Variants in GABRR2 observed in about 807,000 individuals in gnomAD.
GABRR2 encodes gamma-aminobutyric acid receptor subunit rho-2.
GABRR2 carries 36 observed loss-of-function variants against 47.0 expected under a neutral mutation model. The ratio of observed to expected loss-of-function variants is 0.77; its 90% CI spans 0.59 to 1.01. The LOEUF (loss-of-function observed/expected upper bound fraction) is 1.01, where lower values mean the gene tolerates loss of function less well. Among genes scored for constraint, GABRR2 ranks in the 50% least tolerant of loss-of-function variants. The pLI is 0.00. For synonymous variants in GABRR2, 204 were observed against 227.5 expected (o/e 0.90, Z 0.93); for missense variants, 587 against 594.6 (o/e 0.99, Z 0.13).
rs764351856 is a variant in GABRR2, at chr6:89,257,689, TA to T, written c.1378del (p.Tyr460IlefsTer27). The part of the protein sequence containing the change: ...PASYIFFNLI[Y>X]WSVFS ...GAGCCCCTAGGAAAACACTGACCAA[TA>T]AATTAAGTTGAAAAATATGTAGGAG... On this transcript the variant is annotated frameshift_variant, in exon 9 of 9. Transcript: ENST00000402938. LOFTEE classifies it high-confidence loss of function. 6.2e-7 allele frequency: 1 copy of T among 1,612,894 alleles called. No homozygotes were observed. Among genetic ancestry groups the T allele is most frequent in the Non-Finnish European group, 8.5e-7 (1 of 1,179,374 alleles).
At chr6:89,287,128 G>A (rs950538305) in intron 2 of GABRR2, among the ~76,000 whole-genome samples, 3 of 152,172 alleles carry the variant, frequency 2.0e-5, no homozygotes, top group African/African-American at 4.8e-5. Context: ...CAGAGGCGCG[G>A]CAACCGGGGC....
chr6:89,302,919 G>C, intron 1 of GABRR2: 2 of 1,177,360 alleles, frequency 1.7e-6, no homozygotes, highest in Non-Finnish European at 2.4e-6. Flanking sequence ...AGCAGTTCAC[G>C]GACATGTTCC....
intron 1 of GABRR2, among the ~76,000 whole-genome samples, chr6:89,311,798 A>AC (rs1208860822): frequency 6.6e-6 from 1 of 151,886 alleles, no homozygotes; most frequent in Non-Finnish European, 1.5e-5. Flanking sequence ...AGGGCTCACC[A>AC]CCCCCCTTTT....
chr6:89,290,523 C>T (rs907328644), intron 2 of GABRR2, among the ~76,000 whole-genome samples: 1 of 152,216 alleles, frequency 6.6e-6, no homozygotes, highest in Non-Finnish European at 1.5e-5. Context: ...TTCTGGGGCC[C>T]AGTGCCCAAG....
At chr6:89,285,905 G>A (rs1416330244) in intron 2 of GABRR2, among the ~76,000 whole-genome samples, 1 of 151,846 alleles carries the variant, frequency 6.6e-6, no homozygotes, top group African/African-American at 2.4e-5. Context: ...TGCCCTGCTT[G>A]AAACTCCCTC....
intron 2 of GABRR2, among the ~76,000 whole-genome samples, chr6:89,292,334 C>CA (rs1180638965): frequency 6.7e-5 from 6 of 89,530 alleles, no homozygotes; most frequent in African/African-American, 2.5e-4. Flanking sequence ...GGTGGTTTCT[C>CA]AAAAAAAAAT....
In GABRR2 at chr6:89,257,913, C is replaced by T; in HGVS notation, c.1155G>A (p.Glu385=). Residue 385 remains glutamate (E), a synonymous_variant, in exon 9 of 9, where the codon GAG becomes GAA. Transcript: ENST00000402938. ...MMLDGSYSES[E]ANSLAGYPRS... ...TGGGGTACCCAGCCAGGCTGTTGGCCTCAGACTCACTGTAGCTTCCATCCA... is the reference window on the plus strand; with the variant it reads ...TGGGGTACCCAGCCAGGCTGTTGGCTTCAGACTCACTGTAGCTTCCATCCA... 1 of 1,614,016 alleles carries T rather than the reference C, an allele frequency of 6.2e-7. No individual in the cohort carries two copies. The highest frequency in any genetic ancestry group is 8.5e-7 in the Non-Finnish European group (1 of 1,179,878).
chr6:89,297,852 C>T (rs1052248494), intron 2 of GABRR2, among the ~76,000 whole-genome samples: 3 of 151,016 alleles, frequency 2.0e-5, no homozygotes, highest in South Asian at 2.1e-4. Context: ...AACTCCGTCT[C>T]GAAAAAAAAA....
rs1054943615 is a variant in GABRR2, at chr6:89,302,043, A to G, written c.114-2178T>C. 14 of 665,824 alleles carry G rather than the reference A, an allele frequency of 2.1e-5. No homozygotes were observed. In the African/African-American group the frequency reaches 2.2e-4, roughly 10 times the overall value. 41.2% of individuals were successfully genotyped at this position (665,824 alleles called of 1,614,324 possible). On this transcript the variant is annotated intron_variant, in intron 1 of 8. Coordinates refer to ENST00000402938, the MANE Select transcript of GABRR2 (RefSeq NM_002043.5). ...CCTTTTGGACATTTTTTCAGGCCTGACAATTTAATCTTTGGTCAGAGTGGG... is the reference window on the plus strand; with the variant it reads ...CCTTTTGGACATTTTTTCAGGCCTGGCAATTTAATCTTTGGTCAGAGTGGG...
At chr6:89,267,644 C>T (rs1325601828) in intron 6 of GABRR2, 35 bp downstream of exon 6, 1 of 1,586,434 alleles carries the variant, frequency 6.3e-7, no homozygotes, top group Non-Finnish European at 8.6e-7. Flanking sequence ...TGCTTTCTTG[C>T]ACATTTGAAT....
chr6:89,256,922 C>T lies in GABRR2; in HGVS notation c.*748G>A, dbSNP rs1242068024. 1.3e-5 allele frequency among the ~76,000 whole-genome samples: 2 copies of T among 152,110 alleles called. No individual in the cohort carries two copies. Among genetic ancestry groups the T allele is most frequent in the Non-Finnish European group, 2.9e-5 (2 of 68,024 alleles). ...CTTATATGCCTAAGAGTAAAAGCAA[C>T]AGCAAACAGAATGGGTCTGTGGGGT... On this transcript the variant is annotated 3_prime_UTR_variant, in exon 9 of 9. Transcript: ENST00000402938.
intron 6 of GABRR2, 96 bp from the exon 7 acceptor site, chr6:89,265,861 C>A: frequency 1.6e-6 from 2 of 1,237,528 alleles, no homozygotes; most frequent in South Asian, 1.4e-5. Flanking sequence ...TGGCTCTCCT[C>A]AGCAACAGAA....
Position 89,267,785 on chromosome 6 carries a change from C to A in GABRR2, c.630G>T (p.Trp210Cys), listed in dbSNP as rs1211843216. ...AYTDEDLMLY[W>C]KNGDESLKTD... is the part of the protein sequence containing the mutation. ...TTTTTAGGGATTCATCCCCATTCTT[C>A]CAGTACAGCATTAGATCTTCATCTG... The change falls in exon 6 of 9, where the codon TGG becomes TGT. Residue 210 changes from tryptophan to cysteine, a missense_variant. Coordinates refer to ENST00000402938, the MANE Select transcript of GABRR2 (RefSeq NM_002043.5). 1 of 1,613,714 alleles carries A rather than the reference C, an allele frequency of 6.2e-7. No individual in the cohort carries two copies. The highest frequency in any genetic ancestry group is 1.7e-5 in the Admixed American group (1 of 60,002).
intron 2 of GABRR2, among the ~76,000 whole-genome samples, chr6:89,279,241 T>C (rs1217723897): frequency 6.6e-6 from 1 of 152,178 alleles, no homozygotes; most frequent in East Asian, 1.9e-4. Context: ...TGCTCTGTTA[T>C]CCACCATCAT....
chr6:89,302,165 C>A, intron 1 of GABRR2: 1 of 575,222 alleles, frequency 1.7e-6, no homozygotes, highest in Non-Finnish European at 3.4e-6. Flanking sequence ...CTGCGACGGT[C>A]TGTAGGGTTT....
intron 1 of GABRR2, among the ~76,000 whole-genome samples, chr6:89,310,641 T>C (rs1205946950): frequency 6.6e-6 from 1 of 151,452 alleles, no homozygotes; most frequent in Admixed American, 6.6e-5. Context: ...GAGTATCCTA[T>C]AGGCATCTGA....
chr6:89,300,382 C>T (rs1582462303), intron 1 of GABRR2, among the ~76,000 whole-genome samples: 2 of 151,998 alleles, frequency 1.3e-5, no homozygotes, highest in South Asian at 4.2e-4. Flanking sequence ...TGGTGGCACA[C>T]ACCTGTAGTC....
intron 1 of GABRR2, among the ~76,000 whole-genome samples, chr6:89,309,992 C>T (rs1767653448): frequency 7.0e-6 from 1 of 142,310 alleles, no homozygotes; most frequent in Non-Finnish European, 1.5e-5. Flanking sequence ...CTATGTTACT[C>T]TTGGCCTCAA....
chr6:89,272,683 G>A lies in GABRR2; in HGVS notation c.221-961C>T, dbSNP rs1483843565. On this transcript the variant is annotated intron_variant, in intron 2 of 8. Coordinates refer to ENST00000402938, the MANE Select transcript of GABRR2 (RefSeq NM_002043.5). ...CCAGAGGCCAGCCTAGCTGCACGTGGGTCCTCTGAGCCCTGACCAGGGAAC... is the reference window on the plus strand; with the variant it reads ...CCAGAGGCCAGCCTAGCTGCACGTGAGTCCTCTGAGCCCTGACCAGGGAAC... 4.6e-5 allele frequency among the ~76,000 whole-genome samples: 7 copies of A among 152,314 alleles called. No individual in the cohort carries two copies. In the East Asian group the frequency reaches 1.2e-3, roughly 25 times the overall value.
Sources: gnomAD v4.1 joint callset for allele counts (sites outside exome capture counted in the v4.1 genomes callset) on GRCh38, gnomAD v4.1.1 for gene constraint, MANE v1.5 for transcripts, NCBI Gene and HGNC (gene_info 2026-07-23, HGNC 2026-07-21) for gene names.